BAHCC1: variants seen among roughly 807,000 people sequenced by gnomAD.
BAHCC1 encodes BAH and coiled-coil domain-containing protein 1.
In BAHCC1, 43 loss-of-function variants were observed where a neutral mutation model predicts 88.2. The ratio of observed to expected loss-of-function variants is 0.49; its 90% confidence interval spans 0.38 to 0.63. The LOEUF (loss-of-function observed/expected upper bound fraction) is 0.63. Ranked by LOEUF, BAHCC1 falls within the 20% of genes least tolerant of loss-of-function variation. The pLI is 0.00. For missense variants in BAHCC1, 3,023 were observed against 1,654.8 expected, an observed-to-expected ratio of 1.83 and a Z score of -14.34; for synonymous variants, 1,510 against 745.5, an observed-to-expected ratio of 2.03 and a Z score of -16.71.
chr17:81,403,710 G>C (rs1346908292), intron 2 of BAHCC1, among the ~76,000 whole-genome samples: 1 of 152,176 alleles, frequency 6.6e-6, no homozygotes, highest in Non-Finnish European at 1.5e-5. Context: ...CATTAAGTAG[G>C]TGTGAAAAGA....
At chr17:81,459,632 G>C in intron 23 of BAHCC1, 28 bp downstream of exon 23, 1 of 779,134 alleles carries the variant, frequency 1.3e-6, no homozygotes, top group Non-Finnish European at 2.4e-6. Context: ...CGGGGGCTGG[G>C]GCAGGCCCCT....
In BAHCC1 at chr17:81,444,821, C is replaced by T. The variant is rs782536415; in HGVS notation, c.2666C>T (p.Ala889Val). ...CCCACACCCCACAGCGCCCCCCACGCACTTGGTAAGGGCCCCTGGTCCAGG... is the reference window on the plus strand; with the variant it reads ...CCCACACCCCACAGCGCCCCCCACGTACTTGGTAAGGGCCCCTGGTCCAGG... ...SEPTPHSAPH[A>V]LADVMDQASL... Residue 889 changes from alanine (A) to valine (V), a missense_variant, in exon 8 of 28, where the codon GCA becomes GTA. Physicochemically the swap from Ala to Val is moderately conservative, Grantham distance 64 (BLOSUM62 0). Coordinates refer to ENST00000675386, the MANE Select transcript of BAHCC1 (RefSeq NM_001377448.1). The T allele has an allele frequency of 3.9e-6, 3 of 775,646 alleles. No individual in the cohort carries two copies. The highest frequency in any genetic ancestry group is 2.4e-6 in the Non-Finnish European group (1 of 416,354). 48.0% of individuals were successfully genotyped at this position (775,646 alleles called of 1,614,324 possible).
chr17:81,450,480 G>A (rs2064612391), intron 11 of BAHCC1, among the ~76,000 whole-genome samples: 1 of 152,186 alleles, frequency 6.6e-6, no homozygotes, highest in African/African-American at 2.4e-5. Flanking sequence ...TGTTCCTGCG[G>A]TCACTGTGAG....
rs781821256 is a variant in BAHCC1, at chr17:81,438,419, C to T, written c.408C>T (p.Pro136=). The T allele has an allele frequency of 7.7e-6, 6 of 778,436 alleles. No individual in the cohort carries two copies. The highest frequency in any genetic ancestry group is 3.4e-5 in the African/African-American group (2 of 59,120). The allele number at this position is 778,436 out of a possible 1,614,324, so 48.2% of individuals were successfully genotyped here. The change falls in exon 4 of 28, where the codon CCC becomes CCT. Residue 136 remains proline, a synonymous_variant. Coordinates refer to ENST00000675386, the MANE Select transcript of BAHCC1 (RefSeq NM_001377448.1). ...FSGSLASTFL[P]VSHLDHHGNS... ...GGAGTCTGGCATCCACCTTCCTACC[C>T]GTGAGCCACTTGGATCACCATGGAA...
chr17:81,463,340 C>T (rs2030466891), intron 27 of BAHCC1, among the ~76,000 whole-genome samples: 2 of 152,250 alleles, frequency 1.3e-5, no homozygotes, highest in South Asian at 4.1e-4. Flanking sequence ...AAGCCATTTT[C>T]CAGACCATAT....
intron 16 of BAHCC1, 22 bp downstream of exon 16, chr17:81,456,607 C>A: frequency 1.5e-6 from 1 of 687,034 alleles, no homozygotes; most frequent in Non-Finnish European, 2.7e-6. Context: ...GCGTGAGTGG[C>A]CACTGCCAGG....
Position 81,399,233 on chromosome 17 carries a change from C to A in BAHCC1, c.-206-301C>A. 1 of 418,800 alleles carries A rather than the reference C, an allele frequency of 2.4e-6. No homozygotes were observed. Among genetic ancestry groups the A allele is most frequent in the Non-Finnish European group, 4.8e-6 (1 of 209,134 alleles). The allele number at this position is 418,800 out of a possible 1,614,324, so 25.9% of individuals were successfully genotyped here. A position where few individuals can be genotyped will look rare whatever the true frequency, so the allele number is the denominator to read the frequency against. ...CAGCCTCTTCGCCGCGGCGCCCTAG[C>A]TGCAGGGACCCGCGGGGACGAGAAC... On this transcript the variant is annotated intron_variant, in intron 1 of 27. Coordinates refer to ENST00000675386, the MANE Select transcript of BAHCC1 (RefSeq NM_001377448.1). This position sits in a 1 kb window ranked among gnomAD's most constrained non-coding sequence, Gnocchi z 4.5.
At position 81,435,560 on chromosome 17, in the gene BAHCC1, G is replaced by A. The variant is rs1223548642; in HGVS notation, c.359-2810G>A. 2 of 462,350 alleles carry A rather than the reference G, an allele frequency of 4.3e-6. No homozygotes were observed. Among genetic ancestry groups the A allele is most frequent in the African/African-American group, 2.0e-5 (1 of 49,928 alleles). 28.6% of individuals were successfully genotyped at this position (462,350 alleles called of 1,614,324 possible). On this transcript the variant is annotated intron_variant, in intron 3 of 27. Coordinates refer to ENST00000675386, the MANE Select transcript of BAHCC1 (RefSeq NM_001377448.1). The surrounding 1 kb of genome is among the most constrained non-coding windows in gnomAD (Gnocchi z 4.4). ...TCCCGTCTCAAAGGGGTCTGGGAAG[G>A]GGAGGTTCTGGAGCCCCGACGTTCT...
At chr17:81,427,030 A>T (rs1174071845) in intron 3 of BAHCC1, 51 bp downstream of exon 3, 11 of 398,136 alleles carry the variant, frequency 2.8e-5, no homozygotes, top group African/African-American at 4.1e-5. Context: ...CAAGAGACTG[A>T]CCCTGGTGCC....
chr17:81,453,025 G>A lies in BAHCC1; in HGVS notation c.4445+174G>A, dbSNP rs528459920. On this transcript the variant is annotated intron_variant, in intron 14 of 27. Coordinates refer to ENST00000675386, the MANE Select transcript of BAHCC1 (RefSeq NM_001377448.1). ...CCATCGAGAGTGACCAGCAGACAGA[G>A]CCCTGCTCCAGACAGGCTTTGCCCT... Among the ~76,000 whole-genome samples, 4 of 152,258 alleles carry A rather than the reference G, an allele frequency of 2.6e-5. No homozygotes were observed. The South Asian group carries it at 8.3e-4, about 32-fold the overall frequency.
At chr17:81,445,930 G>A (rs2064518914) in intron 10 of BAHCC1, among the ~76,000 whole-genome samples, 1 of 152,254 alleles carries the variant, frequency 6.6e-6, no homozygotes, top group Non-Finnish European at 1.5e-5. Flanking sequence ...AGGAAGACGG[G>A]GTCCCGCTGG....
intron 2 of BAHCC1, among the ~76,000 whole-genome samples, chr17:81,406,641 A>G (rs1214816035): frequency 2.0e-5 from 3 of 152,104 alleles, no homozygotes; most frequent in Non-Finnish European, 4.4e-5. Context: ...ACGCAGGCCT[A>G]TTTGTCAGTG....
chr17:81,460,266 G>A lies in BAHCC1; in HGVS notation c.5906-11G>A, dbSNP rs1555658720. 1 of 757,360 alleles carries A rather than the reference G, an allele frequency of 1.3e-6. No homozygotes were observed. Among genetic ancestry groups the A allele is most frequent in the South Asian group, 1.4e-5 (1 of 70,874 alleles). 46.9% of individuals were successfully genotyped at this position (757,360 alleles called of 1,614,324 possible). A position where few individuals can be genotyped will look rare whatever the true frequency, so the allele number is the denominator to read the frequency against. On this transcript the variant is annotated splice_polypyrimidine_tract_variant and intron_variant, in intron 23 of 27. Transcript: ENST00000675386. ...GGGTTCCAGCTGCAAGCTCAGGTGT[G>A]CCGTCCACAGGGGCCTCCGGTGACG...
intron 2 of BAHCC1, among the ~76,000 whole-genome samples, chr17:81,419,505 G>A (rs1187656629): frequency 6.6e-6 from 1 of 152,242 alleles, no homozygotes; most frequent in Non-Finnish European, 1.5e-5. Flanking sequence ...GCTTGGGACC[G>A]CCCATCACTC....
In BAHCC1 at chr17:81,416,074, ATGTGCGTG is replaced by A. The variant is rs1488191103; in HGVS notation, c.179-10713_179-10706del. On this transcript the variant is annotated intron_variant, in intron 2 of 27. Coordinates refer to ENST00000675386, the MANE Select transcript of BAHCC1 (RefSeq NM_001377448.1). Reference sequence around the variant, plus strand: ...CGTGTGTGTCCATGAGGATGGGTGTATGTGCGTGTGTGCGTGTGTGTCCATGAGGATGG... The same window carrying A: ...CGTGTGTGTCCATGAGGATGGGTGTATGTGCGTGTGTGTCCATGAGGATGG... Among the ~76,000 whole-genome samples, 74 of 95,978 alleles carry A rather than the reference ATGTGCGTG, an allele frequency of 7.7e-4. No individual in the cohort carries two copies. In the South Asian group the frequency reaches 0.019, roughly 25 times the overall value. 63.0% of individuals were successfully genotyped at this position (95,978 alleles called of 152,430 possible). A position where few individuals can be genotyped will look rare whatever the true frequency, so the allele number is the denominator to read the frequency against.
chr17:81,398,606 ACC>A (rs35231579), intron 1 of BAHCC1, among the ~76,000 whole-genome samples: 1 of 151,660 alleles, frequency 6.6e-6, no homozygotes, highest in Non-Finnish European at 1.5e-5. Flanking sequence ...CTCTGAAAGC[ACC>A]CCCCCCACAC....
chr17:81,425,117 G>A (rs1295449055), intron 2 of BAHCC1, among the ~76,000 whole-genome samples: 9 of 148,258 alleles, frequency 6.1e-5, no homozygotes, highest in South Asian at 2.2e-4. Context: ...TGATGTGGTT[G>A]GGGGTGATAG....
intron 2 of BAHCC1, chr17:81,407,019 C>T (rs533871670): frequency 1.5e-5 from 7 of 455,562 alleles, no homozygotes; most frequent in African/African-American, 1.4e-4. Flanking sequence ...CCCTTCTCTC[C>T]CCTAGGATCC....
Position 81,459,057 on chromosome 17 carries a change from G to A in BAHCC1, c.5609G>A (p.Arg1870His), listed in dbSNP as rs782162986. The A allele has an allele frequency of 1.2e-5, 9 of 757,608 alleles. No individual in the cohort carries two copies. The highest frequency in any genetic ancestry group is 1.7e-5 in the Non-Finnish European group (7 of 407,874). The allele number at this position is 757,608 out of a possible 1,614,324, so 46.9% of individuals were successfully genotyped here. The change falls in exon 21 of 28, where the codon CGC becomes CAC. Residue 1870 changes from arginine (R) to histidine (H), a missense_variant. Physicochemically the swap from Arg to His is conservative, Grantham distance 29 (BLOSUM62 0). Coordinates refer to ENST00000675386, the MANE Select transcript of BAHCC1 (RefSeq NM_001377448.1). ...CGCTGACACCTTGTGCCCACAGCGC[G>A]CTCGTGTGCCATCCACAAGGAGGAC... ...LSAEQSAALA[R>H]SCAIHKEDLR...
Sources: allele counts gnomAD v4.1 joint callset (sites outside exome capture counted in the v4.1 genomes callset), GRCh38; gene constraint gnomAD v4.1.1; non-coding constraint Gnocchi (gnomAD v3.1); transcripts MANE v1.5; gene names NCBI Gene and HGNC (gene_info 2026-07-23, HGNC 2026-07-21).